The following ZNF423 variants were observed in gnomAD, a reference collection of about 807,000 sequenced individuals.
ZNF423 encodes the protein zinc finger protein 423.
Under a neutral mutation model 95.8 loss-of-function variants are expected in ZNF423, and 12 were observed. That is an observed-to-expected ratio of 0.13 (90% confidence interval 0.08 to 0.20). The LOEUF is 0.20. Ranked by LOEUF, ZNF423 falls within the 10% of genes least tolerant of loss-of-function variation. ZNF423 has a pLI of 1.00. For missense variants in ZNF423, 1,316 were observed against 1,737.1 expected, an observed-to-expected ratio of 0.76 and a Z score of 4.31; for synonymous variants, 749 against 711.9, an observed-to-expected ratio of 1.05 and a Z score of -0.83.
At chr16:49,568,864 C>A (rs1349402605) in intron 5 of ZNF423, among the ~76,000 whole-genome samples, 1 of 152,122 alleles carries the variant, frequency 6.6e-6, no homozygotes, top group South Asian at 2.1e-4. Flanking sequence ...AATGCAGGAA[C>A]CTTCTCACAT....
Position 49,582,546 on chromosome 16 carries a change from G to A in ZNF423, c.3601+43624C>T, listed in dbSNP as rs750675074. ...AAGTCCACAGTGCAAACCTAAAAGC[G>A]AAGGAAGCAAGGTGCAGAATAACCA... is the stretch of plus-strand genomic sequence containing the variant. On this transcript the variant is annotated intron_variant, in intron 5 of 7. Coordinates refer to ENST00000563137, the MANE Select transcript of ZNF423 (RefSeq NM_001379286.1). Among the ~76,000 whole-genome samples the A allele has an allele frequency of 7.2e-5, 11 of 152,162 alleles. 1 individual carries two copies. The highest frequency in any genetic ancestry group is 2.6e-4 in the Admixed American group (4 of 15,270).
At chr16:49,806,426 C>T (rs1162708851) in intron 1 of ZNF423, among the ~76,000 whole-genome samples, 1 of 152,258 alleles carries the variant, frequency 6.6e-6, no homozygotes, top group East Asian at 1.9e-4. Context: ...GCACCCCACT[C>T]TCTTTCCTTC....
intron 3 of ZNF423, among the ~76,000 whole-genome samples, chr16:49,721,552 C>G (rs567962781): frequency 5.8e-4 from 88 of 152,214 alleles, no homozygotes; most frequent in African/African-American, 2.0e-3. Context: ...TAACAGAAAC[C>G]GGGGACAGCC....
intron 3 of ZNF423, among the ~76,000 whole-genome samples, chr16:49,659,017 T>C (rs1322474690): frequency 6.6e-6 from 1 of 152,254 alleles, no homozygotes; most frequent in African/African-American, 2.4e-5. Flanking sequence ...TGCCGGGCTT[T>C]CTTAAAATCT....
intron 3 of ZNF423, among the ~76,000 whole-genome samples, chr16:49,702,102 T>C (rs2032200524): frequency 6.6e-6 from 1 of 152,234 alleles, no homozygotes; most frequent in African/African-American, 2.4e-5. Flanking sequence ...AATAGAAATC[T>C]GCTGAATTCA....
chr16:49,745,738 C>T (rs565935397), intron 2 of ZNF423, among the ~76,000 whole-genome samples: 1 of 152,236 alleles, frequency 6.6e-6, no homozygotes, highest in East Asian at 1.9e-4. Context: ...ACTCGTGTCA[C>T]CAAACAGAAT....
intron 5 of ZNF423, among the ~76,000 whole-genome samples, chr16:49,541,091 T>A (rs538538943): frequency 6.6e-6 from 1 of 152,208 alleles, no homozygotes; most frequent in Non-Finnish European, 1.5e-5. Flanking sequence ...GTCTGCCCCA[T>A]CAGGGACTCC....
At chr16:49,561,435 T>C (rs1970013154) in intron 5 of ZNF423, among the ~76,000 whole-genome samples, 1 of 152,216 alleles carries the variant, frequency 6.6e-6, no homozygotes, top group African/African-American at 2.4e-5. Flanking sequence ...ATACACAGAA[T>C]ACAGATGACA....
In ZNF423 at chr16:49,570,961, G is replaced by T. The variant is rs1970335798; in HGVS notation, c.3602-45467C>A. 2.0e-5 allele frequency among the ~76,000 whole-genome samples: 3 copies of T among 152,216 alleles called. No homozygotes were observed. The South Asian group carries it at 6.2e-4, about 32-fold the overall frequency. On this transcript the variant is annotated intron_variant, in intron 5 of 7. Transcript: ENST00000563137. The stretch of plus-strand genomic sequence containing the variant: ...GAGCAGGCAGGAGGGTCAAAGGCAT[G>T]GCCATGCATGGCCTCCTGAGCTAAC...
At chr16:49,513,741 G>A (rs1968000756) in intron 7 of ZNF423, among the ~76,000 whole-genome samples, 1 of 152,146 alleles carries the variant, frequency 6.6e-6, no homozygotes, top group Non-Finnish European at 1.5e-5. Context: ...GTTTGGTGTA[G>A]ACGTAGTGAC....
chr16:49,642,701 G>T (rs1000223526), intron 3 of ZNF423, among the ~76,000 whole-genome samples: 2 of 151,952 alleles, frequency 1.3e-5, no homozygotes, highest in African/African-American at 2.4e-5. Context: ...GCTTTGGGGG[G>T]ACTTAGCTCA....
At chr16:49,605,653 G>A (rs1421382204) in intron 5 of ZNF423, among the ~76,000 whole-genome samples, 2 of 152,104 alleles carry the variant, frequency 1.3e-5, no homozygotes, top group African/African-American at 2.4e-5. Flanking sequence ...ATGAAGCCCC[G>A]GCCCTGCACC....
chr16:49,792,861 A>G (rs74897435), intron 1 of ZNF423, among the ~76,000 whole-genome samples: 3,787 of 152,238 alleles, frequency 0.025, 167 homozygotes, highest in African/African-American at 0.087. Context: ...TCCTGGGCTC[A>G]AGTGATCCTC....
chr16:49,817,951 G>A (rs914871299), intron 1 of ZNF423, among the ~76,000 whole-genome samples: 7 of 151,922 alleles, frequency 4.6e-5, no homozygotes, highest in Non-Finnish European at 5.9e-5. Flanking sequence ...CCATCTCTTC[G>A]CTCCAACATT....
At chr16:49,848,838 C>A (rs1035040107) in intron 1 of ZNF423, among the ~76,000 whole-genome samples, 26 of 152,134 alleles carry the variant, frequency 1.7e-4, no homozygotes, top group Non-Finnish European at 3.7e-4. Context: ...CAGTTGGCAG[C>A]AGGGCAGCAC....
intron 5 of ZNF423, among the ~76,000 whole-genome samples, chr16:49,573,102 A>T (rs991247476): frequency 2.6e-5 from 4 of 152,166 alleles, no homozygotes; most frequent in Admixed American, 2.0e-4. Context: ...ATATATGAAC[A>T]TGTGGACGAT....
intron 5 of ZNF423, among the ~76,000 whole-genome samples, chr16:49,600,242 G>A (rs1357532739): frequency 6.6e-6 from 1 of 151,908 alleles, no homozygotes; most frequent in Non-Finnish European, 1.5e-5. Context: ...AACCCAGGAG[G>A]TGGATCTCAG....
At chr16:49,608,938 G>T (rs1035732638) in intron 5 of ZNF423, among the ~76,000 whole-genome samples, 1 of 152,138 alleles carries the variant, frequency 6.6e-6, no homozygotes, top group African/African-American at 2.4e-5. Context: ...TGTGGCATCA[G>T]AGAAACCCTA....
rs577173422 is a variant in ZNF423 at position 49,784,882 on chromosome 16, G to A, written c.100+4605C>T. 7.9e-5 allele frequency among the ~76,000 whole-genome samples: 12 copies of A among 151,616 alleles called. 1 individual carries two copies. The South Asian group carries it at 2.5e-3, about 32-fold the overall frequency. ...GGAGAATCGCTTGAACCCGGGCGGT[G>A]GAGATTGCAGTTAGCTGAGATCATG... is the stretch of plus-strand genomic sequence containing the variant. On this transcript the variant is annotated intron_variant, in intron 2 of 7. Coordinates refer to ENST00000563137, the MANE Select transcript of ZNF423 (RefSeq NM_001379286.1).
Sources: gnomAD v4.1 joint callset for allele counts (sites outside exome capture counted in the v4.1 genomes callset) on GRCh38, gnomAD v4.1.1 for gene constraint, MANE v1.5 for transcripts, NCBI Gene and HGNC (gene_info 2026-07-23, HGNC 2026-07-21) for gene names.